The following RBFOX3 variants were observed in gnomAD, a reference collection of about 807,000 sequenced individuals.
The protein encoded by RBFOX3 is RNA binding protein fox-1 homolog 3.
RBFOX3 carries 17 observed loss-of-function variants against 48.7 expected under a neutral mutation model. That is an observed-to-expected ratio of 0.35 (90% CI 0.24 to 0.52). The LOEUF is 0.52. Among genes scored for constraint, RBFOX3 ranks in the 20% least tolerant of loss-of-function variants. The probability of loss-of-function intolerance (pLI) is 0.94; values close to 1 mark genes in which losing one functional copy is unlikely to be tolerated. For synonymous variants in RBFOX3, 212 were observed against 209.5 expected, an observed-to-expected ratio of 1.01 and a Z score of -0.10; for missense variants, 382 against 497.5, an observed-to-expected ratio of 0.77 and a Z score of 2.21.
rs2148214653 is a variant in RBFOX3 at position 79,392,029 on chromosome 17, T to A, written c.-174-84205A>T. The stretch of plus-strand genomic sequence containing the variant: ...GCGATGGTCAGGCTTTCTGCCGTCT[T>A]GGAAACAGACACCGACAAGCAACAG... On this transcript the variant is annotated intron_variant, in intron 2 of 14. Transcript: ENST00000693108. This position sits in a 1 kb window ranked among gnomAD's most constrained non-coding sequence, Gnocchi z 5.0. Among the ~76,000 whole-genome samples, 1 of 152,284 alleles carries A rather than the reference T, an allele frequency of 6.6e-6. No individual in the cohort carries two copies. Among genetic ancestry groups the A allele is most frequent in the Non-Finnish European group, 1.5e-5 (1 of 68,034 alleles).
At chr17:79,197,112 C>T (rs760643252) in intron 4 of RBFOX3, among the ~76,000 whole-genome samples, 35 of 152,186 alleles carry the variant, frequency 2.3e-4, no homozygotes, top group Admixed American at 6.5e-4. Context: ...TGGCTGGGCA[C>T]GCGTGGGTAA....
intron 2 of RBFOX3, among the ~76,000 whole-genome samples, chr17:79,433,675 ACCCAGCCCAGCCCAG>A (rs143941362): frequency 1.5e-3 from 231 of 151,864 alleles, no homozygotes; most frequent in African/African-American, 5.4e-3. Context: ...CAGCTGCAGC[ACCCAGCCCAGCCCAG>A]CCCAGCCCAG....
Position 79,177,636 on chromosome 17 carries a change from C to T in RBFOX3, c.-34+58130G>A, listed in dbSNP as rs542873024. On this transcript the variant is annotated intron_variant, in intron 4 of 14. Coordinates refer to ENST00000693108, the MANE Select transcript of RBFOX3 (RefSeq NM_001350451.2). ...GCCCAGGTCCTCAGGTGGGACAGGT[C>T]GGGATGGGCATTCTTCCCATGTCCA... 8.5e-5 allele frequency among the ~76,000 whole-genome samples: 13 copies of T among 152,258 alleles called. 1 individual carries two copies. The highest frequency in any genetic ancestry group is 2.1e-4 in the South Asian group (1 of 4,824).
At chr17:79,096,547 T>A (rs1026134826) in intron 12 of RBFOX3, 106 bp downstream of exon 12, 2 of 980,296 alleles carry the variant, frequency 2.0e-6, no homozygotes, top group African/African-American at 1.6e-5. Flanking sequence ...AAGGGTGGGA[T>A]GGGATGGGAT....
chr17:79,630,509 T>G, the RBFOX3 span, among the ~76,000 whole-genome samples: 3,617 of 152,244 alleles, frequency 0.024, 144 homozygotes, highest in African/African-American at 0.082. Context: ...CCTTTCCAGA[T>G]TCAAGTTTAA....
chr17:79,215,070 C>T (rs921087751), intron 4 of RBFOX3, among the ~76,000 whole-genome samples: 1 of 152,182 alleles, frequency 6.6e-6, no homozygotes, highest in African/African-American at 2.4e-5. Context: ...TGGCTCCCTG[C>T]CCTTCCCCTT....
intron 1 of RBFOX3, among the ~76,000 whole-genome samples, chr17:79,586,973 T>A (rs1353652528): frequency 3.3e-5 from 5 of 152,176 alleles, no homozygotes; most frequent in African/African-American, 1.2e-4. Flanking sequence ...TTAAAATAAC[T>A]GGGAAAAATT....
chr17:79,503,659 G>A (rs1176343848), intron 1 of RBFOX3, among the ~76,000 whole-genome samples: 3 of 152,158 alleles, frequency 2.0e-5, no homozygotes, highest in Non-Finnish European at 2.9e-5. Context: ...TGCAGGTGAG[G>A]GATCCCTCCG....
At chr17:79,643,521 T>G in the RBFOX3 span, among the ~76,000 whole-genome samples, 2 of 152,216 alleles carry the variant, frequency 1.3e-5, no homozygotes, top group African/African-American at 2.4e-5. Context: ...TTCACCAAGA[T>G]AGATCATGTG....
chr17:79,105,563 A>G (rs748619981), intron 6 of RBFOX3, among the ~76,000 whole-genome samples: 2 of 152,190 alleles, frequency 1.3e-5, no homozygotes, highest in African/African-American at 4.8e-5. Flanking sequence ...CAATGAGTCT[A>G]GACTGCAAAT....
intron 2 of RBFOX3, among the ~76,000 whole-genome samples, chr17:79,317,567 C>A (rs1475317257): frequency 6.6e-6 from 1 of 152,230 alleles, no homozygotes; most frequent in Non-Finnish European, 1.5e-5. Context: ...ATGCCCGTGG[C>A]AGGGCCTTCT....
At chr17:79,428,554 G>C (rs968350523) in intron 2 of RBFOX3, among the ~76,000 whole-genome samples, 1 of 152,176 alleles carries the variant, frequency 6.6e-6, no homozygotes, top group Non-Finnish European at 1.5e-5. Flanking sequence ...GTGACCCACG[G>C]GCCTTCCTGC....
At chr17:79,416,025 G>A (rs781864099) in intron 2 of RBFOX3, among the ~76,000 whole-genome samples, 6 of 152,176 alleles carry the variant, frequency 3.9e-5, no homozygotes, top group Non-Finnish European at 8.8e-5. Context: ...CCATGCCTGC[G>A]CTGCCTCCTT....
At chr17:79,115,292 C>T (rs1326981366) in intron 5 of RBFOX3, among the ~76,000 whole-genome samples, 2 of 152,154 alleles carry the variant, frequency 1.3e-5, no homozygotes, top group South Asian at 2.1e-4. Context: ...CGCCGGGGGT[C>T]GAGCAGGGGC....
At chr17:79,506,408 G>A (rs1372943899) in intron 1 of RBFOX3, among the ~76,000 whole-genome samples, 7 of 152,310 alleles carry the variant, frequency 4.6e-5, no homozygotes, top group South Asian at 4.1e-4. Context: ...AGGCGATGCC[G>A]AGCGGCCATC....
intron 3 of RBFOX3, among the ~76,000 whole-genome samples, chr17:79,298,824 A>G (rs1387355605): frequency 2.0e-5 from 3 of 152,144 alleles, no homozygotes; most frequent in Non-Finnish European, 2.9e-5. Flanking sequence ...AATGAAGTGG[A>G]AGAGGGTGGA....
At chr17:79,448,393 T>A (rs1289790878) in intron 2 of RBFOX3, among the ~76,000 whole-genome samples, 1 of 152,164 alleles carries the variant, frequency 6.6e-6, no homozygotes, top group African/African-American at 2.4e-5. Context: ...GATCTCAAGA[T>A]GAAATCATCC....
At position 79,390,591 on chromosome 17, in the gene RBFOX3, C is replaced by T. The variant is rs2061263683; in HGVS notation, c.-174-82767G>A. ...CTCTCAGGTTCAAGTGATTCTCCTG[C>T]CTCAGCCTCCCAAGTAGCTGGGATT... On this transcript the variant is annotated intron_variant, in intron 2 of 14. Coordinates refer to ENST00000693108, the MANE Select transcript of RBFOX3 (RefSeq NM_001350451.2). This position sits in a 1 kb window ranked among gnomAD's most constrained non-coding sequence, Gnocchi z 4.2. Among the ~76,000 whole-genome samples, 1 of 152,116 alleles carries T rather than the reference C, an allele frequency of 6.6e-6. No individual in the cohort carries two copies. Among genetic ancestry groups the T allele is most frequent in the South Asian group, 2.1e-4 (1 of 4,838 alleles).
intron 1 of RBFOX3, among the ~76,000 whole-genome samples, chr17:79,585,471 C>T (rs2093218913): frequency 1.3e-5 from 2 of 152,114 alleles, no homozygotes; most frequent in South Asian, 2.1e-4. Flanking sequence ...GCAGGAGAAT[C>T]GCTTGAACCC....
Sources: allele counts gnomAD v4.1 joint callset (sites outside exome capture counted in the v4.1 genomes callset), GRCh38; gene constraint gnomAD v4.1.1; non-coding constraint Gnocchi (gnomAD v3.1); transcripts MANE v1.5; gene names NCBI Gene and HGNC (gene_info 2026-07-23, HGNC 2026-07-21).